The following KRIT1 variants were observed in gnomAD, a reference collection of about 807,000 sequenced individuals.
KRIT1 encodes the protein KRIT1 ankyrin repeat containing.
A neutral mutation model predicts 95.8 loss-of-function variants in KRIT1; 45 were observed. The ratio of observed to expected loss-of-function variants is 0.47; its 90% confidence interval spans 0.37 to 0.60. The LOEUF (loss-of-function observed/expected upper bound fraction) is 0.60, where lower values mean the gene tolerates loss of function less well. Ranked by LOEUF, KRIT1 falls within the 20% of genes least tolerant of loss-of-function variation. KRIT1 has a pLI of 0.00. For synonymous variants in KRIT1, 282 were observed against 278.8 expected (o/e 1.01, Z -0.11); for missense variants, 788 against 877.5 (o/e 0.90, Z 1.29).
intron 18 of KRIT1, 66 bp from the exon 19 acceptor site, chr7:92,200,870 C>T (rs1789984365): frequency 1.8e-6 from 2 of 1,096,984 alleles, no homozygotes; most frequent in South Asian, 2.6e-5. Context: ...ACATTCATGA[C>T]ATTGGGCAGT....
chr7:92,244,642 A>C (rs1800461215), intron 2 of KRIT1, among the ~76,000 whole-genome samples: 1 of 152,248 alleles, frequency 6.6e-6, no homozygotes, highest in African/African-American at 2.4e-5. Context: ...AAAACTGCTA[A>C]GGGAGAAACA....
intron 17 of KRIT1, among the ~76,000 whole-genome samples, chr7:92,208,131 A>T (rs1208279908): frequency 6.6e-6 from 1 of 152,136 alleles, no homozygotes; most frequent in East Asian, 1.9e-4. Flanking sequence ...AAAAATTAAG[A>T]AGGAAATAAA....
chr7:92,243,795 ATTTAT>A (rs1193758551), intron 3 of KRIT1, among the ~76,000 whole-genome samples: 2 of 152,106 alleles, frequency 1.3e-5, no homozygotes. Context: ...TACTTTTCAA[ATTTAT>A]TTTAAATTCT....
At chr7:92,207,086 T>C (rs1791697511) in intron 17 of KRIT1, among the ~76,000 whole-genome samples, 1 of 151,964 alleles carries the variant, frequency 6.6e-6, no homozygotes, top group African/African-American at 2.4e-5. Context: ...GAAAACCTAC[T>C]TGAAGAAATA....
chr7:92,200,791 A>C lies in KRIT1; in HGVS notation c.2156T>G (p.Val719Gly). 1 of 1,603,438 alleles carries C rather than the reference A, an allele frequency of 6.2e-7. No individual in the cohort carries two copies. The highest frequency in any genetic ancestry group is 8.5e-7 in the Non-Finnish European group (1 of 1,170,364). ...IVHTKQAGLV[V>G]KLLMKLNGQL... ...TCCATTTAGCTTCATTAACAGTTTT[A>C]CCACGAGACCAGCCTACAAAGTAAA... The change falls in exon 19 of 19, where the codon GTA becomes GGA. Residue 719 changes from valine to glycine, a missense_variant. Physicochemically the swap from Val to Gly is moderately radical, Grantham distance 109 (BLOSUM62 -3). Coordinates refer to ENST00000394505, the MANE Select transcript of KRIT1 (RefSeq NM_194454.3).
At chr7:92,205,014 G>A (rs1003179978) in intron 17 of KRIT1, among the ~76,000 whole-genome samples, 1 of 152,234 alleles carries the variant, frequency 6.6e-6, no homozygotes, top group East Asian at 1.9e-4. Context: ...AACTATGACT[G>A]GGATATTTCA....
chr7:92,234,830 T>G lies in KRIT1; in HGVS notation c.823A>C (p.Met275Leu). The G allele has an allele frequency of 1.9e-6, 3 of 1,603,366 alleles. No homozygotes were observed. Among genetic ancestry groups the G allele is most frequent in the Non-Finnish European group, 2.6e-6 (3 of 1,170,190 alleles). Residue 275 changes from methionine to leucine, a missense_variant, in exon 9 of 19, where the codon ATG (methionine) becomes CTG (leucine). By Grantham distance (15) the Met-to-Leu change is conservative (BLOSUM62 2). This residue lies in a region of KRIT1 where 493 missense variants were observed against 582.3 expected (regional missense o/e 0.85). Transcript: ENST00000394505. ...IPKQEKWQRS[M>L]SSVTEDKERQ... ...TACTTGTCTTCTGTGACACTGCTCA[T>G]GCTTCTCTGCCATTTTTCCTGTTTA...
chr7:92,199,669 T>C lies in KRIT1; in HGVS notation c.*1067A>G, dbSNP rs1219060573. ...ATCACTTAAAATGTGTCTATGTATGTGTGTGCTTGTGTGCCAGGCAGTTTT... is the reference window on the plus strand; with the variant it reads ...ATCACTTAAAATGTGTCTATGTATGCGTGTGCTTGTGTGCCAGGCAGTTTT... On this transcript the variant is annotated 3_prime_UTR_variant, in exon 19 of 19. Transcript: ENST00000394505. The C allele has an allele frequency of 1.3e-5, 2 of 152,254 alleles. No individual in the cohort carries two copies. Among genetic ancestry groups the C allele is most frequent in the Non-Finnish European group, 2.9e-5 (2 of 68,040 alleles). 9.4% of individuals were successfully genotyped at this position (152,254 alleles called of 1,614,324 possible). A position where few individuals can be genotyped will look rare whatever the true frequency, so the allele number is the denominator to read the frequency against.
intron 10 of KRIT1, among the ~76,000 whole-genome samples, chr7:92,230,759 T>C (rs1797111841): frequency 6.6e-6 from 1 of 151,960 alleles, no homozygotes; most frequent in Non-Finnish European, 1.5e-5. Flanking sequence ...AGGAGAGAGA[T>C]GGGGACAAAA....
chr7:92,238,105 T>C (rs892561926), intron 5 of KRIT1, among the ~76,000 whole-genome samples: 2 of 152,124 alleles, frequency 1.3e-5, no homozygotes, highest in African/African-American at 2.4e-5. Flanking sequence ...ACAGTAAGAA[T>C]TGTATTATAT....
chr7:92,224,362 T>C (rs1473871299), intron 12 of KRIT1, among the ~76,000 whole-genome samples: 2 of 152,166 alleles, frequency 1.3e-5, no homozygotes, highest in East Asian at 1.9e-4. Context: ...CTCAAGAGGC[T>C]GAGGTGGGAG....
chr7:92,216,142 T>G (rs554258074), intron 14 of KRIT1, among the ~76,000 whole-genome samples: 8 of 148,936 alleles, frequency 5.4e-5, no homozygotes, highest in Non-Finnish European at 7.4e-5. Flanking sequence ...GGCAGGAGAA[T>G]GGTGTGAACC....
chr7:92,237,894 A>G (rs1309965877), intron 5 of KRIT1, 135 bp from the exon 6 acceptor site: 15 of 611,590 alleles, frequency 2.5e-5, no homozygotes, highest in Non-Finnish European at 4.4e-5. Flanking sequence ...CAATTTTATT[A>G]TATGTACTAA....
chr7:92,236,958 T>C (rs1042841653), intron 6 of KRIT1, among the ~76,000 whole-genome samples: 2 of 152,196 alleles, frequency 1.3e-5, no homozygotes, highest in Admixed American at 6.5e-5. Flanking sequence ...TAATATAGTA[T>C]ATCATCAGTG....
At chr7:92,203,204 A>G (rs1485544960) in intron 17 of KRIT1, among the ~76,000 whole-genome samples, 1 of 152,248 alleles carries the variant, frequency 6.6e-6, no homozygotes, top group Non-Finnish European at 1.5e-5. Flanking sequence ...GTAGTGTTTT[A>G]AATGCAAATG....
At chr7:92,207,405 C>T (rs1791792907) in intron 17 of KRIT1, among the ~76,000 whole-genome samples, 1 of 150,948 alleles carries the variant, frequency 6.6e-6, no homozygotes, top group African/African-American at 2.4e-5. Flanking sequence ...TAGGTTGGTG[C>T]AAAAATAACT....
chr7:92,211,609 G>A (rs1479725372), intron 17 of KRIT1, among the ~76,000 whole-genome samples: 2 of 152,108 alleles, frequency 1.3e-5, no homozygotes, highest in African/African-American at 2.4e-5. Context: ...ACACTAGGGT[G>A]ACTATAGTTA....
In KRIT1 at chr7:92,226,664, G is replaced by C; in HGVS notation, c.1008C>G (p.Ala336=). Residue 336 remains alanine (A), a synonymous_variant, in exon 11 of 19, where the codon GCC becomes GCG. Coordinates refer to ENST00000394505, the MANE Select transcript of KRIT1 (RefSeq NM_194454.3). ...HYACWYGKVE[A]TRILLEKGKC... is the part of the protein sequence containing the mutation. ...TTCCTTTCTCTAACAATATGCGAGT[G>C]GCCTCAACTTTTCCATACCTGTATA... 1 of 1,612,720 alleles carries C rather than the reference G, an allele frequency of 6.2e-7. No homozygotes were observed. Among genetic ancestry groups the C allele is most frequent in the Non-Finnish European group, 8.5e-7 (1 of 1,179,524 alleles).
intron 7 of KRIT1, chr7:92,236,020 A>T (rs1798377305): frequency 4.1e-6 from 1 of 243,452 alleles, no homozygotes; most frequent in Non-Finnish European, 8.0e-6. Context: ...TTCAAAAAAC[A>T]TAAAAGTACT....
Sources: allele counts gnomAD v4.1 joint callset (sites outside exome capture counted in the v4.1 genomes callset), GRCh38; gene constraint gnomAD v4.1.1; regional missense constraint gnomAD v4.1.1; transcripts MANE v1.5; gene names NCBI Gene and HGNC (gene_info 2026-07-23, HGNC 2026-07-21).